The following KLHL7 variants were observed in gnomAD, a reference collection of about 807,000 sequenced individuals.
KLHL7 encodes kelch-like protein 7.
A neutral mutation model predicts 67.4 loss-of-function variants in KLHL7; 44 were observed. The observed-to-expected ratio is 0.65, with a 90% confidence interval of 0.51 to 0.84. The LOEUF is 0.84. Ranked by LOEUF, KLHL7 falls within the 40% of genes least tolerant of loss-of-function variation. The pLI is 0.00. For synonymous variants in KLHL7, 252 were observed against 243.3 expected, an observed-to-expected ratio of 1.04 and a Z score of -0.33; for missense variants, 362 against 718.1, an observed-to-expected ratio of 0.50 and a Z score of 5.67.
chr7:23,129,378 C>A, intron 4 of KLHL7: 1 of 385,038 alleles, frequency 2.6e-6, no homozygotes, highest in East Asian at 8.7e-5. Context: ...GAAACTCATC[C>A]CAAATGATGT....
intron 4 of KLHL7, among the ~76,000 whole-genome samples, chr7:23,133,464 C>T (rs1238101796): frequency 6.6e-6 from 1 of 152,028 alleles, no homozygotes; most frequent in Non-Finnish European, 1.5e-5. Context: ...CAGAGCCTTG[C>T]TCTGTCACCC....
At chr7:23,106,540 GC>G in intron 1 of KLHL7, 4 of 1,079,482 alleles carry the variant, frequency 3.7e-6, no homozygotes, top group Non-Finnish European at 4.5e-6. Context: ...CCAAACCGAA[GC>G]CCCCAAAGGG....
chr7:23,110,388 C>A (rs1782815926), intron 1 of KLHL7, among the ~76,000 whole-genome samples: 1 of 152,180 alleles, frequency 6.6e-6, no homozygotes, highest in African/African-American at 2.4e-5. Context: ...CTGGGCTTCT[C>A]AGAAGTATTA....
At chr7:23,130,856 C>T (rs1342281472) in intron 4 of KLHL7, among the ~76,000 whole-genome samples, 3 of 151,998 alleles carry the variant, frequency 2.0e-5, no homozygotes, top group South Asian at 2.1e-4. Context: ...TTTGTTGTTA[C>T]GAAATAGAAA....
chr7:23,118,901 G>A (rs552837091), intron 1 of KLHL7, among the ~76,000 whole-genome samples: 4 of 151,724 alleles, frequency 2.6e-5, no homozygotes, highest in Admixed American at 1.3e-4. Flanking sequence ...GTGAGACCTC[G>A]TCTCTACAAA....
chr7:23,159,887 T>C (rs1467369147), intron 7 of KLHL7, among the ~76,000 whole-genome samples: 1 of 152,234 alleles, frequency 6.6e-6, no homozygotes, highest in African/African-American at 2.4e-5. Flanking sequence ...TCAGGATTTG[T>C]GTGAATGTCA....
At chr7:23,108,496 C>T (rs992870419) in intron 1 of KLHL7, among the ~76,000 whole-genome samples, 6 of 152,174 alleles carry the variant, frequency 3.9e-5, no homozygotes, top group African/African-American at 1.4e-4. Context: ...AAGTGCACAT[C>T]CCACCAACAA....
At chr7:23,140,637 A>G (rs1288827025) in intron 4 of KLHL7, 132 bp from the exon 5 acceptor site, 4 of 770,276 alleles carry the variant, frequency 5.2e-6, no homozygotes, top group Non-Finnish European at 8.9e-6. Context: ...TAGACAAATC[A>G]ATGAAACAGA....
At position 23,137,263 on chromosome 7, in the gene KLHL7, C is replaced by T. The variant is rs1483285108; in HGVS notation, c.443-3506C>T. Among the ~76,000 whole-genome samples the T allele has an allele frequency of 6.6e-5, 10 of 151,808 alleles. No individual in the cohort carries two copies. In the East Asian group the frequency reaches 1.4e-3, roughly 21 times the overall value. On this transcript the variant is annotated intron_variant, in intron 4 of 10. Coordinates refer to ENST00000339077, the MANE Select transcript of KLHL7 (RefSeq NM_001031710.3). ...TTGCGCCATTGCACTCCAGCCTAAG[C>T]GACAGAGTGAGTGAGACTCCATCTC...
intron 4 of KLHL7, among the ~76,000 whole-genome samples, chr7:23,133,914 T>C (rs1447148359): frequency 6.6e-6 from 1 of 152,216 alleles, no homozygotes; most frequent in Non-Finnish European, 1.5e-5. Context: ...ATTTTATTTC[T>C]TCCTTTCTGG....
rs528498262 is a variant in KLHL7, at chr7:23,134,871, A to C, written c.443-5898A>C. Among the ~76,000 whole-genome samples, 6 of 151,938 alleles carry C rather than the reference A, an allele frequency of 3.9e-5. No homozygotes were observed. The East Asian group carries it at 1.2e-3, about 29-fold the overall frequency. ...TCTAAGTCTACCTAAAGGTTTGTCC[A>C]TTTTGTTTTAACTTTTCAAAAAAAC... is the stretch of plus-strand genomic sequence containing the variant. On this transcript the variant is annotated intron_variant, in intron 4 of 10. Transcript: ENST00000339077.
chr7:23,160,888 G>A (rs749215901), intron 7 of KLHL7, among the ~76,000 whole-genome samples: 15 of 152,098 alleles, frequency 9.9e-5, no homozygotes, highest in Non-Finnish European at 1.6e-4. Flanking sequence ...CCTTAAGAAC[G>A]TGCTATTTGG....
At chr7:23,154,608 C>A (rs1040463341) in intron 7 of KLHL7, among the ~76,000 whole-genome samples, 1 of 152,054 alleles carries the variant, frequency 6.6e-6, no homozygotes, top group South Asian at 2.1e-4. Flanking sequence ...CACAGGAGAC[C>A]AGTATGTGAC....
At chr7:23,142,990 G>T (rs1488223734) in intron 5 of KLHL7, among the ~76,000 whole-genome samples, 1 of 152,136 alleles carries the variant, frequency 6.6e-6, no homozygotes, top group East Asian at 1.9e-4. Context: ...CTGGGGCAGG[G>T]TATGTGGAAA....
intron 4 of KLHL7, among the ~76,000 whole-genome samples, chr7:23,126,889 G>A (rs962518764): frequency 1.3e-5 from 2 of 152,030 alleles, no homozygotes; most frequent in African/African-American, 4.8e-5. Flanking sequence ...GGTAGCCATG[G>A]GTCTACATAT....
intron 6 of KLHL7, 97 bp downstream of exon 6, chr7:23,144,122 G>A: frequency 9.5e-7 from 1 of 1,050,284 alleles, no homozygotes; most frequent in Non-Finnish European, 1.4e-6. Flanking sequence ...TAGCCAGGGA[G>A]AAACATTCAA....
intron 4 of KLHL7, among the ~76,000 whole-genome samples, chr7:23,136,836 T>G (rs1223405085): frequency 3.3e-5 from 5 of 152,252 alleles, no homozygotes; most frequent in African/African-American, 9.6e-5. Flanking sequence ...CTGAAATCTT[T>G]GGAATATAAC....
chr7:23,106,660 T>G (rs1467608884), intron 1 of KLHL7: 2 of 1,015,386 alleles, frequency 2.0e-6, no homozygotes, highest in East Asian at 1.8e-4. Context: ...CGTGCTAATT[T>G]AGAGCAGAAG....
Position 23,143,880 on chromosome 7 carries a change from A to G in KLHL7, c.648A>G (p.Lys216=). 6.2e-7 allele frequency: 1 copy of G among 1,614,176 alleles called. No homozygotes were observed. The highest frequency in any genetic ancestry group is 1.1e-5 in the South Asian group (1 of 91,084). Residue 216 remains lysine, a synonymous_variant, in exon 6 of 11, where the codon AAA becomes AAG. Coordinates refer to ENST00000339077, the MANE Select transcript of KLHL7 (RefSeq NM_001031710.3). ...ATGATGCTGCAGTCAGGTGGTTGAA[A>G]TACGATGAACCTAATCGCCAGCCAT... ...QVYDAAVRWL[K]YDEPNRQPFM...
Sources: gnomAD v4.1 joint callset for allele counts (sites outside exome capture counted in the v4.1 genomes callset) on GRCh38, gnomAD v4.1.1 for gene constraint, MANE v1.5 for transcripts, NCBI Gene and HGNC (gene_info 2026-07-23, HGNC 2026-07-21) for gene names.